SSBP3: variants seen among roughly 807,000 people sequenced by gnomAD.
SSBP3 encodes single-stranded DNA-binding protein 3.
Under a neutral mutation model 69.6 loss-of-function variants are expected in SSBP3, and 5 were observed. That is an observed-to-expected ratio of 0.07 (90% confidence interval 0.04 to 0.15). The LOEUF (loss-of-function observed/expected upper bound fraction) is 0.15. Ranked by LOEUF, SSBP3 falls within the 10% of genes least tolerant of loss-of-function variation. SSBP3 has a pLI of 1.00. For missense variants in SSBP3, 312 were observed against 534.0 expected, an observed-to-expected ratio of 0.58 and a Z score of 4.10; for synonymous variants, 196 against 193.4, an observed-to-expected ratio of 1.01 and a Z score of -0.11.
chr1:54,294,033 G>T (rs181705076), intron 4 of SSBP3, among the ~76,000 whole-genome samples: 1 of 150,992 alleles, frequency 6.6e-6, no homozygotes, highest in South Asian at 2.1e-4. Context: ...CCAGCTACTC[G>T]GGAGGCTGAA....
chr1:54,380,924 C>T (rs552654078), intron 4 of SSBP3, among the ~76,000 whole-genome samples: 4 of 151,200 alleles, frequency 2.6e-5, no homozygotes, highest in African/African-American at 9.7e-5. Flanking sequence ...AGTTTGAGAC[C>T]AGCCGGGAAA....
chr1:54,372,793 A>T (rs959652269), intron 4 of SSBP3, among the ~76,000 whole-genome samples: 3 of 152,198 alleles, frequency 2.0e-5, no homozygotes, highest in Middle Eastern at 3.4e-3. Flanking sequence ...CCCCTCTTTT[A>T]TGAATGGATA....
At chr1:54,244,715 G>A (rs545665553) in intron 9 of SSBP3, among the ~76,000 whole-genome samples, 2 of 152,164 alleles carry the variant, frequency 1.3e-5, no homozygotes, top group Non-Finnish European at 2.9e-5. Flanking sequence ...CTCTCTCCAA[G>A]TGTCATTTTC....
rs148548268 is a variant in SSBP3 at position 54,341,297 on chromosome 1, C to A, written c.277-59770G>T. 5.7e-3 allele frequency among the ~76,000 whole-genome samples: 871 copies of A among 152,280 alleles called. 8 individuals are homozygous for A. The highest frequency in any genetic ancestry group is 0.01 in the Middle Eastern group (3 of 294). On this transcript the variant is annotated intron_variant, in intron 4 of 17. Transcript: ENST00000610401. ...GCCTGTTCTGGGATGCTGCTAAGCA[C>A]CCTGGCCTTGTGGACTGCTGGCCAG...
At chr1:54,361,426 C>T (rs1026689948) in intron 4 of SSBP3, among the ~76,000 whole-genome samples, 5 of 151,952 alleles carry the variant, frequency 3.3e-5, no homozygotes, top group African/African-American at 1.2e-4. Context: ...CGTGGAAAAC[C>T]GAACAACCCT....
At chr1:54,254,864 G>A (rs1250125825) in intron 7 of SSBP3, among the ~76,000 whole-genome samples, 2 of 151,838 alleles carry the variant, frequency 1.3e-5, no homozygotes, top group Non-Finnish European at 2.9e-5. Context: ...GCGGAGTCTC[G>A]CTCTGTCACC....
At chr1:54,408,063 G>A (rs527469812), upstream of SSBP3, among the ~76,000 whole-genome samples, 1 of 152,114 alleles carries the variant, frequency 6.6e-6, no homozygotes, top group Non-Finnish European at 1.5e-5. Context: ...TCTACTCAAT[G>A]TAACAACCTC....
chr1:54,310,148 C>T lies in SSBP3; in HGVS notation c.277-28621G>A, dbSNP rs140904110. ...CCCGAGCAGGTGAACACCATCTGCC[C>T]GGCTGACAAGATGCCCGTCTTAGTG... On this transcript the variant is annotated intron_variant, in intron 4 of 17. Coordinates refer to ENST00000610401, the Ensembl canonical transcript of SSBP3. Among the ~76,000 whole-genome samples the T allele has an allele frequency of 2.6e-3, 391 of 152,258 alleles. 2 individuals are homozygous for T. The highest frequency in any genetic ancestry group is 9.0e-3 in the African/African-American group (375 of 41,564).
At chr1:54,244,927 A>G (rs1318323707) in intron 9 of SSBP3, among the ~76,000 whole-genome samples, 2 of 151,786 alleles carry the variant, frequency 1.3e-5, no homozygotes, top group Non-Finnish European at 2.9e-5. Context: ...GTGTCTGTCC[A>G]TCTCCCATCT....
chr1:54,394,695 CTTTTTTTTTTTTTTT>C (rs544898836), intron 4 of SSBP3, among the ~76,000 whole-genome samples: 2 of 97,132 alleles, frequency 2.1e-5, no homozygotes, highest in Admixed American at 1.3e-4. Context: ...CTTAAGACTC[CTTTTTTTTTTTTTTT>C]TTTTTTTTTT....
intron 10 of SSBP3, 118 bp from the exon 11 acceptor site, chr1:54,242,330 C>T: frequency 9.7e-6 from 12 of 1,238,364 alleles, no homozygotes; most frequent in South Asian, 6.7e-5. Flanking sequence ...TTCCTACAGC[C>T]CTGCGGTTTA....
At chr1:54,228,217 C>G (rs139138239) in intron 17 of SSBP3, 38 bp downstream of exon 17, 3 of 1,584,702 alleles carry the variant, frequency 1.9e-6, no homozygotes, top group Non-Finnish European at 2.6e-6. Flanking sequence ...GTCCCCAGGC[C>G]GTGGGGACGA....
At chr1:54,249,572 G>A (rs1480611742) in intron 9 of SSBP3, among the ~76,000 whole-genome samples, 2 of 152,120 alleles carry the variant, frequency 1.3e-5, no homozygotes, top group Non-Finnish European at 2.9e-5. Context: ...GTGGGAGCCT[G>A]TAGTCCCAGC....
intron 4 of SSBP3, among the ~76,000 whole-genome samples, chr1:54,376,130 T>TC (rs1308229347): frequency 7.3e-6 from 1 of 137,504 alleles, no homozygotes; most frequent in Non-Finnish European, 1.6e-5. Flanking sequence ...CTGGACCCCC[T>TC]CCTCCTCCCT....
intron 4 of SSBP3, among the ~76,000 whole-genome samples, chr1:54,377,388 G>C (rs2100705598): frequency 6.6e-6 from 1 of 152,322 alleles, no homozygotes; most frequent in Non-Finnish European, 1.5e-5. Context: ...ACAGGCCACT[G>C]GGCACACACA....
At chr1:54,320,105 T>TC (rs1286433095) in intron 4 of SSBP3, among the ~76,000 whole-genome samples, 2 of 152,122 alleles carry the variant, frequency 1.3e-5, no homozygotes, top group African/African-American at 4.8e-5. Context: ...ATCAGAGGCC[T>TC]CCCTGCCCTC....
upstream of SSBP3, among the ~76,000 whole-genome samples, chr1:54,408,742 C>G (rs998713697): frequency 7.2e-5 from 11 of 152,194 alleles, no homozygotes; most frequent in African/African-American, 1.7e-4. Flanking sequence ...ATATTTTTCT[C>G]TCCCTACCAC....
intron 7 of SSBP3, among the ~76,000 whole-genome samples, chr1:54,256,583 A>G (rs1033270242): frequency 2.6e-5 from 4 of 152,084 alleles, no homozygotes; most frequent in Non-Finnish European, 5.9e-5. Flanking sequence ...TCTTGTTTTG[A>G]GTTGGGTCTG....
upstream of SSBP3, among the ~76,000 whole-genome samples, chr1:54,407,777 T>TA (rs1553152076): frequency 9.6e-5 from 12 of 125,432 alleles, no homozygotes; most frequent in Non-Finnish European, 1.8e-4. Context: ...TTTTTTTTTT[T>TA]AACTGCGCTG....
Sources: allele counts gnomAD v4.1 joint callset (sites outside exome capture counted in the v4.1 genomes callset), GRCh38; gene constraint gnomAD v4.1.1; transcripts MANE v1.5; gene names NCBI Gene and HGNC (gene_info 2026-07-23, HGNC 2026-07-21).